RPS6KA2: variants seen among roughly 807,000 people sequenced by gnomAD.
The protein encoded by RPS6KA2 is ribosomal protein S6 kinase alpha-2.
In RPS6KA2, 42 loss-of-function variants were observed where a neutral mutation model predicts 91.8. The ratio of observed to expected loss-of-function variants is 0.46; its 90% CI spans 0.36 to 0.59. RPS6KA2 has a LOEUF of 0.59. Ranked by LOEUF, RPS6KA2 falls within the 20% of genes least tolerant of loss-of-function variation. The pLI is 0.00. For synonymous variants in RPS6KA2, 414 were observed against 393.6 expected (o/e 1.05, Z -0.61); for missense variants, 798 against 978.5 (o/e 0.82, Z 2.46).
chr6:166,680,408 A>C (rs1289776049), intron 2 of RPS6KA2, among the ~76,000 whole-genome samples: 2 of 152,212 alleles, frequency 1.3e-5, no homozygotes, highest in African/African-American at 2.4e-5. Flanking sequence ...AGGGAATAAA[A>C]GCAGGCCGCC....
intron 2 of RPS6KA2, 52 bp from the exon 3 acceptor site, chr6:166,531,365 T>C (rs748369535): frequency 7.3e-7 from 1 of 1,369,038 alleles, no homozygotes; most frequent in Non-Finnish European, 1.0e-6. Flanking sequence ...CAAACTCGCT[T>C]TCCATATTGG....
At chr6:166,513,547 A>G (rs1173935685) in intron 3 of RPS6KA2, among the ~76,000 whole-genome samples, 3 of 152,232 alleles carry the variant, frequency 2.0e-5, no homozygotes, top group African/African-American at 7.2e-5. Flanking sequence ...AGCTCCTGGT[A>G]GCCTGGAGGA....
chr6:166,848,770 T>A (rs1014367981), intron 2 of RPS6KA2, among the ~76,000 whole-genome samples: 67 of 151,986 alleles, frequency 4.4e-4, no homozygotes, highest in African/African-American at 1.6e-3. Flanking sequence ...GGGAGGGGGA[T>A]GAAGGATGAA....
At chr6:166,552,870 T>C (rs769741934) in intron 1 of RPS6KA2, among the ~76,000 whole-genome samples, 5 of 152,230 alleles carry the variant, frequency 3.3e-5, no homozygotes, top group African/African-American at 4.8e-5. Flanking sequence ...ATAACCACGC[T>C]GGTCCCTGGA....
Position 166,419,200 on chromosome 6 carries a change from T to C in RPS6KA2, c.1820+682A>G, listed in dbSNP as rs141860495. On this transcript the variant is annotated intron_variant, in intron 18 of 20. Transcript: ENST00000265678. This position sits in a 1 kb window ranked among gnomAD's most constrained non-coding sequence, Gnocchi z 5.6. ...GCAAACAGGATTCGATGGTCTAGGGTTCTTTTCTTTTTGCCTCCATTCAAG... is the reference window on the plus strand; with the variant it reads ...GCAAACAGGATTCGATGGTCTAGGGCTCTTTTCTTTTTGCCTCCATTCAAG... Among the ~76,000 whole-genome samples the C allele has an allele frequency of 2.7e-3, 405 of 152,338 alleles. 4 individuals carry two copies. Among genetic ancestry groups the C allele is most frequent in the Non-Finnish European group, 3.5e-3 (238 of 68,018 alleles).
At chr6:166,701,290 T>C in intron 2 of RPS6KA2, 3 of 1,611,060 alleles carry the variant, frequency 1.9e-6, no homozygotes, top group Non-Finnish European at 2.5e-6. Context: ...ACTTGACAAA[T>C]TCTGAAGTTC....
At chr6:166,577,881 C>T (rs1784885002) in intron 1 of RPS6KA2, among the ~76,000 whole-genome samples, 1 of 152,090 alleles carries the variant, frequency 6.6e-6, no homozygotes, top group South Asian at 2.1e-4. Flanking sequence ...GCCATAATTC[C>T]CTTGTGTTGG....
At chr6:166,823,629 G>A (rs1199678904) in intron 2 of RPS6KA2, among the ~76,000 whole-genome samples, 1 of 152,202 alleles carries the variant, frequency 6.6e-6, no homozygotes, top group Non-Finnish European at 1.5e-5. Flanking sequence ...GATATTTGTT[G>A]CACAGTGGGA....
chr6:166,461,530 T>G (rs80299824), intron 11 of RPS6KA2, among the ~76,000 whole-genome samples: 1,018 of 39,586 alleles, frequency 0.026, 14 homozygotes, highest in African/African-American at 0.084. Context: ...TGGGGAGAGA[T>G]GGGGAGAGAG....
intron 2 of RPS6KA2, among the ~76,000 whole-genome samples, chr6:166,634,268 G>A (rs1787167171): frequency 6.6e-6 from 1 of 152,216 alleles, no homozygotes; most frequent in Admixed American, 6.5e-5. Context: ...TGGCCACAGT[G>A]ATGGAGAGCA....
chr6:166,514,923 G>A (rs1178451185), intron 3 of RPS6KA2, among the ~76,000 whole-genome samples: 4 of 152,176 alleles, frequency 2.6e-5, no homozygotes, highest in Admixed American at 6.5e-5. Flanking sequence ...GAGGCCACCT[G>A]CATTCTCGGC....
rs139841884 is a variant in RPS6KA2, at chr6:166,648,294, C to T, written c.124-109510G>A. Reference sequence around the variant, plus strand: ...TACACACGCATGCACACAGTATGCACACACACGCATGTATACACATGCACA... The same window carrying T: ...TACACACGCATGCACACAGTATGCATACACACGCATGTATACACATGCACA... On this transcript the variant is annotated intron_variant, in intron 2 of 21. Transcript: ENST00000503859. This position sits in a 1 kb window ranked among gnomAD's most constrained non-coding sequence, Gnocchi z 4.8. Among the ~76,000 whole-genome samples, 1,037 of 152,174 alleles carry T rather than the reference C, an allele frequency of 6.8e-3. 8 individuals are homozygous for T. The highest frequency in any genetic ancestry group is 0.016 in the Admixed American group (239 of 15,280).
intron 2 of RPS6KA2, among the ~76,000 whole-genome samples, chr6:166,747,558 G>A (rs371542255): frequency 2.0e-5 from 3 of 152,182 alleles, no homozygotes; most frequent in East Asian, 3.9e-4. Flanking sequence ...ATGTGTGGCC[G>A]CTCCTCCTCC....
At chr6:166,722,123 T>G (rs1264154091) in intron 2 of RPS6KA2, among the ~76,000 whole-genome samples, 1 of 152,052 alleles carries the variant, frequency 6.6e-6, no homozygotes, top group Non-Finnish European at 1.5e-5. Context: ...AATAACTCAG[T>G]AGGTAAAAGC....
chr6:166,632,990 A>C (rs890591933), intron 2 of RPS6KA2, among the ~76,000 whole-genome samples: 14 of 152,344 alleles, frequency 9.2e-5, no homozygotes, highest in Non-Finnish European at 1.0e-4. Context: ...CGAGATGGGC[A>C]GATCACTTGA....
chr6:166,532,379 T>C (rs1299557622), intron 2 of RPS6KA2, among the ~76,000 whole-genome samples: 1 of 152,130 alleles, frequency 6.6e-6, no homozygotes, highest in Non-Finnish European at 1.5e-5. Context: ...GAGCAGGGGC[T>C]GCTAGGGCAG....
chr6:166,559,901 C>A (rs1324070971), intron 1 of RPS6KA2, among the ~76,000 whole-genome samples: 2 of 152,164 alleles, frequency 1.3e-5, no homozygotes, highest in Non-Finnish European at 2.9e-5. Flanking sequence ...AAAATCTATG[C>A]CACAACTAAA....
intron 1 of RPS6KA2, among the ~76,000 whole-genome samples, chr6:166,625,251 C>T (rs1256165167): frequency 6.6e-6 from 1 of 151,938 alleles, no homozygotes; most frequent in African/African-American, 2.4e-5. Context: ...CCTCCTACAT[C>T]GCTGATGGTT....
chr6:166,505,103 G>A (rs1442179703), intron 5 of RPS6KA2, among the ~76,000 whole-genome samples: 1 of 152,096 alleles, frequency 6.6e-6, no homozygotes, highest in Non-Finnish European at 1.5e-5. Flanking sequence ...AGTAGCCTAC[G>A]TAACCTGCTG....
Sources: allele counts gnomAD v4.1 joint callset (sites outside exome capture counted in the v4.1 genomes callset), GRCh38; gene constraint gnomAD v4.1.1; non-coding constraint Gnocchi (gnomAD v3.1); transcripts MANE v1.5; gene names NCBI Gene and HGNC (gene_info 2026-07-23, HGNC 2026-07-21).